Variants in CELF2 observed in about 807,000 individuals in gnomAD.
CELF2 encodes CUG triplet repeat RNA-binding protein 2.
CELF2 carries 8 observed loss-of-function variants against 62.6 expected under a neutral mutation model. The ratio of observed to expected loss-of-function variants is 0.13; its 90% CI spans 0.07 to 0.23. CELF2 has a LOEUF of 0.23. Among genes scored for constraint, CELF2 ranks in the 10% least tolerant of loss-of-function variants. CELF2 has a pLI of 1.00. For synonymous variants in CELF2, 258 were observed against 250.0 expected, an observed-to-expected ratio of 1.03 and a Z score of -0.30; for missense variants, 333 against 671.0, an observed-to-expected ratio of 0.50 and a Z score of 5.56.
intron 1 of CELF2, among the ~76,000 whole-genome samples, chr10:11,089,834 C>T (rs1051425663): frequency 2.6e-5 from 4 of 152,080 alleles, no homozygotes; most frequent in South Asian, 2.1e-4. Context: ...TGGAATACTT[C>T]GTTGCCATAA....
the CELF2 span, among the ~76,000 whole-genome samples, chr10:10,475,348 C>T: frequency 6.6e-6 from 1 of 151,900 alleles, no homozygotes; most frequent in Admixed American, 6.6e-5. Context: ...GACCCAGGAC[C>T]CTTTCTAACA....
chr10:11,268,507 C>T lies in CELF2; in HGVS notation c.618+1830C>T, dbSNP rs1190977881. Among the ~76,000 whole-genome samples, 1 of 152,182 alleles carries T rather than the reference C, an allele frequency of 6.6e-6. No homozygotes were observed. The highest frequency in any genetic ancestry group is 1.5e-5 in the Non-Finnish European group (1 of 68,034). ...CTCTGGATCATAAAGCAGAACTGGG[C>T]ATGAACCAGGCTGAGAAACAGTAGG... On this transcript the variant is annotated intron_variant, in intron 6 of 12. Transcript: ENST00000633077. This position sits in a 1 kb window ranked among gnomAD's most constrained non-coding sequence, Gnocchi z 4.7.
chr10:10,673,048 G>T, the CELF2 span, among the ~76,000 whole-genome samples: 1 of 151,640 alleles, frequency 6.6e-6, no homozygotes, highest in African/African-American at 2.4e-5. Flanking sequence ...TTTTTTGAGG[G>T]CACTAATGCA....
intron 3 of CELF2, among the ~76,000 whole-genome samples, chr10:11,222,486 A>G (rs907033190): frequency 6.6e-6 from 1 of 152,218 alleles, no homozygotes; most frequent in East Asian, 1.9e-4. Flanking sequence ...CAACCGAAAC[A>G]TCTGTATGAA....
At chr10:10,497,139 C>A in the CELF2 span, among the ~76,000 whole-genome samples, 1 of 150,704 alleles carries the variant, frequency 6.6e-6, no homozygotes, top group East Asian at 2.0e-4. Flanking sequence ...GAGCCGAGAT[C>A]GCGCCACTGC....
intron 1 of CELF2, among the ~76,000 whole-genome samples, chr10:11,082,545 A>C (rs186786043): frequency 2.4e-4 from 36 of 152,344 alleles, no homozygotes; most frequent in Non-Finnish European, 4.4e-4. Context: ...AATAGAGAGT[A>C]ACTATGTAAA....
chr10:11,047,776 A>C (rs2063127726), intron 1 of CELF2, among the ~76,000 whole-genome samples: 2 of 152,060 alleles, frequency 1.3e-5, no homozygotes, highest in Admixed American at 1.3e-4. Context: ...TTCAGGCTAA[A>C]TTTTTCTGGG....
At chr10:11,070,129 A>AAAAAC (rs2069404114) in intron 1 of CELF2, among the ~76,000 whole-genome samples, 1 of 151,772 alleles carries the variant, frequency 6.6e-6, no homozygotes, top group Non-Finnish European at 1.5e-5. Flanking sequence ...CAAAAAGTAA[A>AAAAAC]AAAATAAAAG....
chr10:10,753,118 G>T, the CELF2 span, among the ~76,000 whole-genome samples: 2 of 152,144 alleles, frequency 1.3e-5, no homozygotes, highest in African/African-American at 4.8e-5. Flanking sequence ...ATATTAAAAA[G>T]GTAAGCATTG....
At chr10:11,033,063 C>A (rs117156299) in intron 1 of CELF2, among the ~76,000 whole-genome samples, 3 of 152,114 alleles carry the variant, frequency 2.0e-5, no homozygotes, top group Non-Finnish European at 2.9e-5. Flanking sequence ...TACAGTGCAT[C>A]GACAAGGGTG....
intron 2 of CELF2, among the ~76,000 whole-genome samples, chr10:11,196,281 C>T (rs2134816231): frequency 6.6e-6 from 1 of 152,364 alleles, no homozygotes; most frequent in South Asian, 2.1e-4. Flanking sequence ...AGCTTAGCTC[C>T]TGCTGTGGTG....
the CELF2 span, among the ~76,000 whole-genome samples, chr10:10,582,234 G>A: frequency 6.6e-6 from 1 of 152,092 alleles, no homozygotes; most frequent in African/African-American, 2.4e-5. Flanking sequence ...ATTTTAACTA[G>A]TTTATGTCAG....
chr10:11,117,040 A>G lies in CELF2; in HGVS notation c.75-48446A>G, dbSNP rs2143723955. 6.6e-6 allele frequency among the ~76,000 whole-genome samples: 1 copy of G among 152,320 alleles called. No individual in the cohort carries two copies. Among genetic ancestry groups the G allele is most frequent in the African/African-American group, 2.4e-5 (1 of 41,564 alleles). On this transcript the variant is annotated intron_variant, in intron 1 of 12. Transcript: ENST00000633077. This position sits in a 1 kb window ranked among gnomAD's most constrained non-coding sequence, Gnocchi z 4.1. ...AGGATCACACAGCTGGTAATGGCAG[A>G]ACTTTCACGTGAACCTGAGCGGTCT...
At chr10:10,512,317 G>T in the CELF2 span, among the ~76,000 whole-genome samples, 1 of 149,710 alleles carries the variant, frequency 6.7e-6, no homozygotes, top group Non-Finnish European at 1.5e-5. Flanking sequence ...CATCACAATA[G>T]AAAAGAATGA....
chr10:10,993,653 T>C lies in CELF2; in HGVS notation c.89+73654T>C, dbSNP rs1008371308. Among the ~76,000 whole-genome samples, 1 of 152,174 alleles carries C rather than the reference T, an allele frequency of 6.6e-6. No individual in the cohort carries two copies. Among genetic ancestry groups the C allele is most frequent in the Non-Finnish European group, 1.5e-5 (1 of 68,032 alleles). On this transcript the variant is annotated intron_variant, in intron 2 of 13. Transcript: ENST00000636488. This position sits in a 1 kb window ranked among gnomAD's most constrained non-coding sequence, Gnocchi z 5.3. The stretch of plus-strand genomic sequence containing the variant: ...AGTTGGAAGGAGCTTATTGTAGAAA[T>C]AGGGCTTGTGCTGCATGATTCTAAT...
chr10:10,777,437 G>A, the CELF2 span, among the ~76,000 whole-genome samples: 1 of 152,128 alleles, frequency 6.6e-6, no homozygotes, highest in Non-Finnish European at 1.5e-5. Flanking sequence ...TGTCCGAGCT[G>A]GCATCCTAGC....
At chr10:10,836,937 T>C (rs1014416521) in intron 1 of CELF2, among the ~76,000 whole-genome samples, 3 of 152,222 alleles carry the variant, frequency 2.0e-5, no homozygotes, top group African/African-American at 4.8e-5. Context: ...ACCTGGCCTG[T>C]AGCCTCATTT....
chr10:10,764,544 G>A, the CELF2 span, among the ~76,000 whole-genome samples: 1 of 152,176 alleles, frequency 6.6e-6, no homozygotes, highest in Non-Finnish European at 1.5e-5. Flanking sequence ...TTCTCCAAGA[G>A]GAAAGGGCCT....
upstream of CELF2, chr10:11,005,255 G>GGAGGGAGA: frequency 1.7e-6 from 2 of 1,175,916 alleles, no homozygotes; most frequent in Non-Finnish European, 2.3e-6. The surrounding 1 kb of genome is among the most constrained non-coding windows in gnomAD (Gnocchi z 4.3). Flanking sequence ...AGAGAGAGAG[G>GGAGGGAGA]GAGAGAGAGA....
Sources: allele counts gnomAD v4.1 joint callset (sites outside exome capture counted in the v4.1 genomes callset), GRCh38; gene constraint gnomAD v4.1.1; non-coding constraint Gnocchi (gnomAD v3.1); transcripts MANE v1.5; gene names NCBI Gene and HGNC (gene_info 2026-07-23, HGNC 2026-07-21).